Variants in LRRTM4 observed in about 807,000 individuals in gnomAD.
The protein encoded by LRRTM4 is leucine rich repeat transmembrane neuronal 4.
In LRRTM4, 25 loss-of-function variants were observed where a neutral mutation model predicts 47.6. That is an observed-to-expected ratio of 0.53 (90% CI 0.38 to 0.73). The LOEUF is 0.73. Among genes scored for constraint, LRRTM4 ranks in the 30% least tolerant of loss-of-function variants. LRRTM4 has a pLI of 0.00. For synonymous variants in LRRTM4, 311 were observed against 269.5 expected (o/e 1.15, Z -1.51); for missense variants, 638 against 713.4 (o/e 0.89, Z 1.20).
intron 3 of LRRTM4, among the ~76,000 whole-genome samples, chr2:77,001,892 A>G (rs1350347150): frequency 6.6e-6 from 1 of 152,116 alleles, no homozygotes; most frequent in African/African-American, 2.4e-5. Context: ...ACAAACATCA[A>G]CTTCAGCTCA....
At chr2:77,332,896 C>T (rs1671021251) in intron 3 of LRRTM4, among the ~76,000 whole-genome samples, 1 of 152,162 alleles carries the variant, frequency 6.6e-6, no homozygotes, top group Non-Finnish European at 1.5e-5. Context: ...ATTCAAACCT[C>T]ATCTTGAACT....
At position 77,123,213 on chromosome 2, in the gene LRRTM4, C is replaced by CAGAGAGAGAGAG. The variant is rs56149151; in HGVS notation, c.1552-374309_1552-374298dup. On this transcript the variant is annotated intron_variant, in intron 3 of 3. Coordinates refer to ENST00000409884, the MANE Select transcript of LRRTM4 (RefSeq NM_001134745.3). Reference sequence around the variant, plus strand: ...TCCTTTGTGTTCAGCTTCAGTCTCACAGAGAGAGAGAGAGAGAGAGAGAGA... The same window carrying CAGAGAGAGAGAG: ...TCCTTTGTGTTCAGCTTCAGTCTCACAGAGAGAGAGAGAGAGAGAGAGAGAGAGAGAGAGAGA... 6.0e-3 allele frequency among the ~76,000 whole-genome samples: 863 copies of CAGAGAGAGAGAG among 142,938 alleles called. 17 individuals carry two copies. The highest frequency in any genetic ancestry group is 0.021 in the African/African-American group (793 of 37,464). The allele number at this position is 142,938 out of a possible 152,430, so 93.8% of individuals were successfully genotyped here. A position where few individuals can be genotyped will look rare whatever the true frequency, so the allele number is the denominator to read the frequency against.
At chr2:76,840,169 G>T (rs986731013) in intron 3 of LRRTM4, among the ~76,000 whole-genome samples, 26 of 152,106 alleles carry the variant, frequency 1.7e-4, no homozygotes, top group South Asian at 4.2e-4. Flanking sequence ...CAGGGGGAGG[G>T]GCTTAATTTT....
At chr2:77,479,293 A>G (rs1283749094) in intron 3 of LRRTM4, among the ~76,000 whole-genome samples, 3 of 152,132 alleles carry the variant, frequency 2.0e-5, no homozygotes, top group East Asian at 1.9e-4. Flanking sequence ...TTTTTTTTAT[A>G]TGAAAGTAAA....
intron 3 of LRRTM4, among the ~76,000 whole-genome samples, chr2:77,138,640 G>T (rs1212013466): frequency 1.3e-5 from 2 of 152,054 alleles, no homozygotes; most frequent in Non-Finnish European, 2.9e-5. Context: ...AACTGAAGGA[G>T]ATAGAGATAT....
intron 3 of LRRTM4, among the ~76,000 whole-genome samples, chr2:76,940,075 G>C (rs371872310): frequency 1.3e-5 from 2 of 152,238 alleles, no homozygotes; most frequent in African/African-American, 4.8e-5. Flanking sequence ...GTGGAAAACA[G>C]TGTGTCCACT....
intron 2 of LRRTM4, among the ~76,000 whole-genome samples, chr2:77,521,370 G>T (rs1332974246): frequency 6.6e-6 from 1 of 151,826 alleles, no homozygotes; most frequent in Admixed American, 6.6e-5. Context: ...AGCAAACACA[G>T]TATTTATCTC....
intron 3 of LRRTM4, among the ~76,000 whole-genome samples, chr2:77,069,006 G>A (rs1477066118): frequency 6.6e-6 from 1 of 152,132 alleles, no homozygotes; most frequent in African/African-American, 2.4e-5. Flanking sequence ...CTTTATTTGG[G>A]CCCATCCCTT....
intron 3 of LRRTM4, among the ~76,000 whole-genome samples, chr2:76,969,315 T>TA (rs1362700026): frequency 5.9e-5 from 9 of 151,962 alleles, no homozygotes; most frequent in Admixed American, 5.9e-4. Context: ...TCTCATTTTT[T>TA]ATTTTCTGTT....
At chr2:77,518,069 T>C (rs1254542754) in intron 3 of LRRTM4, 1 of 1,234,420 alleles carries the variant, frequency 8.1e-7, no homozygotes, top group African/African-American at 1.6e-5. Flanking sequence ...AGCAGATGTT[T>C]TAACATAGTG....
intron 3 of LRRTM4, among the ~76,000 whole-genome samples, chr2:77,007,182 G>T (rs767279227): frequency 1.3e-5 from 2 of 150,370 alleles, no homozygotes; most frequent in Non-Finnish European, 3.0e-5. Context: ...ACACACACAC[G>T]CATATATATA....
chr2:76,990,320 A>C (rs545368429), intron 3 of LRRTM4, among the ~76,000 whole-genome samples: 3 of 151,786 alleles, frequency 2.0e-5, no homozygotes, highest in Admixed American at 6.6e-5. Flanking sequence ...ATTAACCTTG[A>C]ATGTAAATAG....
At chr2:77,021,169 C>CATAT (rs202234871) in intron 3 of LRRTM4, among the ~76,000 whole-genome samples, 2 of 151,710 alleles carry the variant, frequency 1.3e-5, no homozygotes, top group African/African-American at 4.9e-5. Flanking sequence ...TATGTATAGC[C>CATAT]ATATATATGT....
At chr2:76,886,547 A>G (rs1673082037) in intron 3 of LRRTM4, among the ~76,000 whole-genome samples, 2 of 152,134 alleles carry the variant, frequency 1.3e-5, no homozygotes, top group African/African-American at 4.8e-5. Context: ...AAAAAGAGAT[A>G]TATATTTACT....
chr2:77,316,292 A>G (rs1446520448), intron 3 of LRRTM4, among the ~76,000 whole-genome samples: 2 of 152,200 alleles, frequency 1.3e-5, no homozygotes, highest in Admixed American at 6.5e-5. Flanking sequence ...GTAAGTTCTC[A>G]GCAAGCCTGA....
At chr2:77,406,886 C>T (rs533726533) in intron 3 of LRRTM4, among the ~76,000 whole-genome samples, 110 of 152,170 alleles carry the variant, frequency 7.2e-4, no homozygotes, top group African/African-American at 2.2e-3. Flanking sequence ...CAAAAAAATA[C>T]GTCTTTCCAT....
chr2:77,505,959 G>A (rs967308142), intron 3 of LRRTM4, among the ~76,000 whole-genome samples: 1 of 151,520 alleles, frequency 6.6e-6, no homozygotes, highest in Admixed American at 6.6e-5. Context: ...GGAAGAGAGA[G>A]CGATACAAAA....
chr2:77,123,486 C>T lies in LRRTM4; in HGVS notation c.1552-374570G>A, dbSNP rs138816629. ...TGTATTCAACTGTATTTTTGTGGGA[C>T]TATGCCTTTGCAAATAACAGTGATG... On this transcript the variant is annotated intron_variant, in intron 3 of 3. Coordinates refer to ENST00000409884, the MANE Select transcript of LRRTM4 (RefSeq NM_001134745.3). Among the ~76,000 whole-genome samples the T allele has an allele frequency of 2.6e-5, 4 of 152,132 alleles. No individual in the cohort carries two copies. In the East Asian group the frequency reaches 5.8e-4, roughly 22 times the overall value.
rs148656719 is a variant in LRRTM4 at position 76,904,791 on chromosome 2, T to C, written c.1552-155875A>G. ...TATGTAAAAAATGAAAGGGGAGGTA[T>C]AATATATAAGAATACCTACCACAAG... On this transcript the variant is annotated intron_variant, in intron 3 of 3. Coordinates refer to ENST00000409884, the MANE Select transcript of LRRTM4 (RefSeq NM_001134745.3). Among the ~76,000 whole-genome samples, 352 of 152,140 alleles carry C rather than the reference T, an allele frequency of 2.3e-3. 1 individual carries two copies. The highest frequency in any genetic ancestry group is 8.0e-3 in the African/African-American group (333 of 41,508).
Sources: allele counts gnomAD v4.1 joint callset (sites outside exome capture counted in the v4.1 genomes callset), GRCh38; gene constraint gnomAD v4.1.1; transcripts MANE v1.5; gene names NCBI Gene and HGNC (gene_info 2026-07-23, HGNC 2026-07-21).